Variants in WNK1 observed in about 807,000 individuals in gnomAD.
The protein encoded by WNK1 is WNK lysine deficient protein kinase 1, also known as serine/threonine-protein kinase WNK1.
In WNK1, 38 loss-of-function variants were observed where a neutral mutation model predicts 222.8. The observed-to-expected ratio is 0.17, with a 90% confidence interval of 0.13 to 0.22. The LOEUF (loss-of-function observed/expected upper bound fraction) is 0.22. Ranked by LOEUF, WNK1 falls within the 10% of genes least tolerant of loss-of-function variation. The probability of loss-of-function intolerance (pLI) is 1.00; values close to 1 mark genes in which losing one functional copy is unlikely to be tolerated. For synonymous variants in WNK1, 1,090 were observed against 1,092.9 expected, an observed-to-expected ratio of 1.00 and a Z score of 0.05; for missense variants, 2,348 against 2,918.4, an observed-to-expected ratio of 0.80 and a Z score of 4.50.
intron 1 of WNK1, among the ~76,000 whole-genome samples, chr12:780,087 A>G (rs778573855): frequency 6.6e-6 from 1 of 152,190 alleles, no homozygotes; most frequent in East Asian, 1.9e-4. Flanking sequence ...TGAGTTTATT[A>G]TGGATATTTA....
chr12:820,916 T>TA (rs1947811808), intron 2 of WNK1, among the ~76,000 whole-genome samples: 1 of 152,226 alleles, frequency 6.6e-6, no homozygotes, highest in South Asian at 2.1e-4. Context: ...ATCCTTGTCA[T>TA]ATTACTGATT....
At position 907,867 on chromosome 12, in the gene WNK1, G is replaced by A. The variant is rs1328634658; in HGVS notation, c.6664G>A (p.Val2222Ile). 1.2e-6 allele frequency: 2 copies of A among 1,613,736 alleles called. No homozygotes were observed. Among genetic ancestry groups the A allele is most frequent in the African/African-American group, 2.7e-5 (2 of 74,874 alleles). Residue 2222 changes from valine to isoleucine, a missense_variant, in exon 27 of 28, where the codon GTT becomes ATT. By Grantham distance (29) the Val-to-Ile change is conservative. Transcript: ENST00000315939. ...PGQGTSSTNT[V>I]GATVNSQAAQ... ...AATAGGAACCAGCAGCACAAACACT[G>A]TTGGGGCAACAGTGAACAGCCAAGC...
intron 1 of WNK1, among the ~76,000 whole-genome samples, chr12:790,836 C>T (rs1944763587): frequency 6.6e-6 from 1 of 151,966 alleles, no homozygotes; most frequent in Non-Finnish European, 1.5e-5. Flanking sequence ...TGGAAGGGAA[C>T]TTAAGTACAT....
rs138375917 is a variant in WNK1, at chr12:895,251, G to A, written c.5583+616G>A. Among the ~76,000 whole-genome samples the A allele has an allele frequency of 8.2e-4, 125 of 152,172 alleles. 1 individual carries two copies. The highest frequency in any genetic ancestry group is 6.8e-3 in the Middle Eastern group (2 of 294). On this transcript the variant is annotated intron_variant, in intron 23 of 27. Coordinates refer to ENST00000315939, the MANE Select transcript of WNK1 (RefSeq NM_018979.4). ...GGTCCTGAACCTTTATAGGTGGGCTGAGTTTGTATTTGTAAATACATGGAC... is the reference window on the plus strand; with the variant it reads ...GGTCCTGAACCTTTATAGGTGGGCTAAGTTTGTATTTGTAAATACATGGAC...
At chr12:906,210 C>CTGTAACACGTGAGA in intron 26 of WNK1, 1 of 736,230 alleles carries the variant, frequency 1.4e-6, no homozygotes, top group Non-Finnish European at 1.7e-6. Context: ...TTTATTTATT[C>CTGTAACACGTGAGA]TGTAACACGT....
chr12:900,838 G>A (rs767039672), intron 26 of WNK1, 168 bp downstream of exon 26: 14 of 854,950 alleles, frequency 1.6e-5, no homozygotes, highest in African/African-American at 5.0e-5. Flanking sequence ...AATGAGAATC[G>A]GTGGGCTCAC....
chr12:891,456 A>AT (rs1325347635), intron 22 of WNK1, among the ~76,000 whole-genome samples: 1 of 152,208 alleles, frequency 6.6e-6, no homozygotes, highest in Non-Finnish European at 1.5e-5. Flanking sequence ...GAATATTTTT[A>AT]TAAGTGGTTT....
At chr12:773,026 A>G (rs578178006) in intron 1 of WNK1, among the ~76,000 whole-genome samples, 2 of 152,310 alleles carry the variant, frequency 1.3e-5, no homozygotes, top group South Asian at 4.1e-4. Context: ...TGGGAGGCCA[A>G]GGCGGGCAGA....
At chr12:833,193 C>A (rs962782639) in intron 4 of WNK1, among the ~76,000 whole-genome samples, 2 of 152,218 alleles carry the variant, frequency 1.3e-5, no homozygotes, top group African/African-American at 4.8e-5. Flanking sequence ...TGCAAGCCTT[C>A]TTCATTCCCA....
intron 1 of WNK1, among the ~76,000 whole-genome samples, chr12:792,207 G>A (rs558382817): frequency 3.3e-5 from 5 of 152,064 alleles, no homozygotes; most frequent in Admixed American, 6.6e-5. Flanking sequence ...AGCTTAGGAA[G>A]AGCAAAGGTA....
intron 2 of WNK1, among the ~76,000 whole-genome samples, chr12:824,760 A>G (rs1948217926): frequency 6.6e-6 from 1 of 152,154 alleles, no homozygotes; most frequent in South Asian, 2.1e-4. Context: ...CTAACGACAA[A>G]TAAAATTTCC....
Position 911,444 on chromosome 12 carries a change from T to C in WNK1, c.*2652T>C, listed in dbSNP as rs1956078590. 2.5e-6 allele frequency: 1 copy of C among 398,596 alleles called. No homozygotes were observed. The allele number at this position is 398,596 out of a possible 1,614,324, so 24.7% of individuals were successfully genotyped here. Reference sequence around the variant, plus strand: ...AACCATTCAAATAAACCAAACTTGCTTTTGTTGAGCTGTGGGGTTTCATTT... The same window carrying C: ...AACCATTCAAATAAACCAAACTTGCCTTTGTTGAGCTGTGGGGTTTCATTT... On this transcript the variant is annotated 3_prime_UTR_variant, in exon 28 of 28. Transcript: ENST00000315939.
chr12:778,637 CTTTTT>C (rs397849845), intron 1 of WNK1, among the ~76,000 whole-genome samples: 1 of 136,592 alleles, frequency 7.3e-6, no homozygotes, highest in Non-Finnish European at 1.6e-5. Flanking sequence ...GGCCAATGAT[CTTTTT>C]TTTTTTTTTT....
At chr12:822,087 CTT>C (rs376271992) in intron 2 of WNK1, among the ~76,000 whole-genome samples, 585 of 71,306 alleles carry the variant, frequency 8.2e-3, no homozygotes, top group African/African-American at 0.029. Flanking sequence ...TGTCTTATAC[CTT>C]TTTTTTTTTT....
At chr12:780,419 T>C (rs1268102388) in intron 1 of WNK1, among the ~76,000 whole-genome samples, 1 of 152,234 alleles carries the variant, frequency 6.6e-6, no homozygotes, top group Non-Finnish European at 1.5e-5. Context: ...ATTTCAGTCA[T>C]AGTTATGGCC....
intron 1 of WNK1, among the ~76,000 whole-genome samples, chr12:770,158 G>A (rs763658677): frequency 2.0e-5 from 3 of 152,014 alleles, no homozygotes; most frequent in Non-Finnish European, 4.4e-5. Flanking sequence ...ATTTTTAGTA[G>A]AGACATGGTT....
chr12:836,950 A>G (rs948576656), intron 4 of WNK1, among the ~76,000 whole-genome samples: 3 of 152,030 alleles, frequency 2.0e-5, no homozygotes, highest in African/African-American at 7.2e-5. Context: ...GTTTTTTTCT[A>G]TCAGTGTTAC....
intron 1 of WNK1, among the ~76,000 whole-genome samples, chr12:774,898 T>A (rs888555632): frequency 6.6e-6 from 1 of 152,228 alleles, no homozygotes; most frequent in Non-Finnish European, 1.5e-5. Context: ...GTTCCTTATA[T>A]CAGAATGAAT....
intron 26 of WNK1, chr12:901,506 T>A (rs1955255339): frequency 8.3e-7 from 1 of 1,211,908 alleles, no homozygotes; most frequent in African/African-American, 1.6e-5. Context: ...CATCTTGTAG[T>A]TGTGTTCTGT....
Sources: gnomAD v4.1 joint callset for allele counts (sites outside exome capture counted in the v4.1 genomes callset) on GRCh38, gnomAD v4.1.1 for gene constraint, MANE v1.5 for transcripts, NCBI Gene and HGNC (gene_info 2026-07-23, HGNC 2026-07-21) for gene names.